SPTBN2: variants seen among roughly 807,000 people sequenced by gnomAD.
SPTBN2 encodes spectrin beta, non-erythrocytic 2, also known as spectrin beta chain, non-erythrocytic 2.
Under a neutral mutation model 284.2 loss-of-function variants are expected in SPTBN2, and 107 were observed. That is an observed-to-expected ratio of 0.38 (90% CI 0.32 to 0.44). SPTBN2 has a LOEUF of 0.44. SPTBN2 is among the 20% of genes least tolerant of loss of function. SPTBN2 has a pLI of 1.00. For missense variants in SPTBN2, 2,569 were observed against 3,287.1 expected (o/e 0.78, Z 5.34); for synonymous variants, 1,289 against 1,354.8 (o/e 0.95, Z 1.07).
rs1940586850 is a variant in SPTBN2, at chr11:66,691,997, T to C, written c.5191-339A>G. ...GTGGATCATACTCCGTTTTGTTGAA[T>C]TCTGTTGAAAAGTGTGAGTGATAAT... On this transcript the variant is annotated intron_variant, in intron 26 of 37. Transcript: ENST00000533211. The surrounding 1 kb of genome is among the most constrained non-coding windows in gnomAD (Gnocchi z 8.0). Among the ~76,000 whole-genome samples the C allele has an allele frequency of 6.6e-6, 1 of 152,182 alleles. No homozygotes were observed. The highest frequency in any genetic ancestry group is 1.5e-5 in the Non-Finnish European group (1 of 68,022).
intron 3 of SPTBN2, among the ~76,000 whole-genome samples, chr11:66,719,491 G>A (rs752710417): frequency 5.9e-5 from 9 of 152,258 alleles, no homozygotes; most frequent in South Asian, 4.1e-4. Flanking sequence ...CCCATGCAGA[G>A]CTGCCTCTTC....
chr11:66,683,684 A>G lies in SPTBN2; in HGVS notation c.*2187T>C, dbSNP rs1219557492. ...CTGCCCCTACTGCAGGACTGCTTCA[A>G]TTGGCTGTCCTATTTACACTTACGT... On this transcript the variant is annotated 3_prime_UTR_variant, in exon 38 of 38. Transcript: ENST00000533211. 6.6e-6 allele frequency among the ~76,000 whole-genome samples: 1 copy of G among 152,216 alleles called. No individual in the cohort carries two copies. Among genetic ancestry groups the G allele is most frequent in the African/African-American group, 2.4e-5 (1 of 41,456 alleles).
intron 20 of SPTBN2, among the ~76,000 whole-genome samples, chr11:66,697,111 CGTGGCT>C (rs1222163896): frequency 6.6e-6 from 1 of 152,128 alleles, no homozygotes; most frequent in African/African-American, 2.4e-5. Flanking sequence ...ATCCTTGTGC[CGTGGCT>C]GTGAGAGTGC....
chr11:66,691,699 A>T lies in SPTBN2; in HGVS notation c.5191-41T>A, dbSNP rs1940562494. On this transcript the variant is annotated intron_variant, in intron 26 of 37. Coordinates refer to ENST00000533211, the MANE Select transcript of SPTBN2 (RefSeq NM_006946.4). This position sits in a 1 kb window ranked among gnomAD's most constrained non-coding sequence, Gnocchi z 8.0. ...GATGGACAGACCATGCCGTGATGTTAGGGGATGTGGTCCCTGCCTGATGGA... is the reference window on the plus strand; with the variant it reads ...GATGGACAGACCATGCCGTGATGTTTGGGGATGTGGTCCCTGCCTGATGGA... 2 of 1,611,894 alleles carry T rather than the reference A, an allele frequency of 1.2e-6. No homozygotes were observed. The highest frequency in any genetic ancestry group is 1.1e-5 in the South Asian group (1 of 91,084).
chr11:66,724,964 TG>T lies in SPTBN2; in HGVS notation c.-113-3525del, dbSNP rs1369078920. On this transcript the variant is annotated intron_variant, in intron 1 of 37. Transcript: ENST00000533211. ...TGTTAAAGTTACAAAGGGGCCCAAC[TG>T]GGAGCCAGACCCTCCAGGGAAGTCC... Among the ~76,000 whole-genome samples the T allele has an allele frequency of 1.3e-4, 20 of 152,292 alleles. No individual in the cohort carries two copies. In the South Asian group the frequency reaches 2.7e-3, roughly 21 times the overall value.
chr11:66,705,854 A>G lies in SPTBN2; in HGVS notation c.1654-17T>C, dbSNP rs2135454133. ...CAGCCGGCCCTGCCAGGCACACATG[A>G]AGTGCACATGCCCGCCTGAGCACAG... On this transcript the variant is annotated splice_polypyrimidine_tract_variant and intron_variant, in intron 13 of 37. Transcript: ENST00000533211. The G allele has an allele frequency of 6.2e-7, 1 of 1,611,680 alleles. No homozygotes were observed. The highest frequency in any genetic ancestry group is 8.5e-7 in the Non-Finnish European group (1 of 1,179,670).
intron 15 of SPTBN2, among the ~76,000 whole-genome samples, chr11:66,702,210 A>C (rs1941284345): frequency 6.6e-6 from 1 of 152,258 alleles, no homozygotes; most frequent in Non-Finnish European, 1.5e-5. Flanking sequence ...TCTGTCACCC[A>C]GGCTGGAGTG....
rs139101848 is a variant in SPTBN2, at chr11:66,699,026, C to T, written c.3833G>A (p.Arg1278Gln). Residue 1278 changes from arginine to glutamine, a missense_variant, in exon 19 of 38, where the codon CGG becomes CAG. By Grantham distance (43) the Arg-to-Gln change is conservative. Transcript: ENST00000533211. ...QQFLGRLRDN[R>Q]EQQHFLQDCH... Reference sequence around the variant, plus strand: ...ATCTTGCAGGAAATGCTGCTGCTCCCGGTTGTCCCGAAGACGGCCCAGAAA... The same window carrying T: ...ATCTTGCAGGAAATGCTGCTGCTCCTGGTTGTCCCGAAGACGGCCCAGAAA... The T allele has an allele frequency of 1.4e-5, 23 of 1,614,106 alleles. No homozygotes were observed. Among genetic ancestry groups the T allele is most frequent in the South Asian group, 8.8e-5 (8 of 91,086 alleles).
Position 66,713,577 on chromosome 11 carries a change from G to A in SPTBN2, c.772+54C>T, listed in dbSNP as rs1056196287. ...CCTCCGCAGCCCCTGGCAACCACTG[G>A]TCCACCTCCTGTCTCTACCCTACCA... On this transcript the variant is annotated intron_variant, in intron 8 of 37. Transcript: ENST00000533211. The A allele has an allele frequency of 1.7e-5, 24 of 1,450,510 alleles. No homozygotes were observed. In the Middle Eastern group the frequency reaches 1.0e-3, roughly 61 times the overall value. The allele number at this position is 1,450,510 out of a possible 1,614,324, so 89.9% of individuals were successfully genotyped here.
chr11:66,698,337 G>C (rs1211095943), intron 20 of SPTBN2, among the ~76,000 whole-genome samples: 1 of 152,214 alleles, frequency 6.6e-6, no homozygotes, highest in Non-Finnish European at 1.5e-5. Context: ...TTCCAGACAA[G>C]GTTTGCAGAG....
upstream of SPTBN2, among the ~76,000 whole-genome samples, chr11:66,731,275 G>C (rs1160263841): frequency 6.6e-6 from 1 of 152,154 alleles, no homozygotes; most frequent in Non-Finnish European, 1.5e-5. Flanking sequence ...TCTGTGACTG[G>C]GTTGCTTTGG....
Position 66,683,279 on chromosome 11 carries a change from G to A in SPTBN2, c.*2592C>T, listed in dbSNP as rs1272599362. Among the ~76,000 whole-genome samples, 1 of 151,134 alleles carries A rather than the reference G, an allele frequency of 6.6e-6. No individual in the cohort carries two copies. The highest frequency in any genetic ancestry group is 1.5e-5 in the Non-Finnish European group (1 of 67,832). Reference sequence around the variant, plus strand: ...GACGGGGTTTCACCGTTTTAGCCGGGATGGTCTCGATCTCCTGACCTCGTG... The same window carrying A: ...GACGGGGTTTCACCGTTTTAGCCGGAATGGTCTCGATCTCCTGACCTCGTG... On this transcript the variant is annotated 3_prime_UTR_variant, in exon 38 of 38. Transcript: ENST00000533211.
intron 16 of SPTBN2, 22 bp downstream of exon 16, chr11:66,701,562 G>T (rs116441572): frequency 1.9e-6 from 3 of 1,613,738 alleles, no homozygotes; most frequent in East Asian, 2.2e-5. Flanking sequence ...TCAGTTTCCT[G>T]GTCCTGCCCT....
chr11:66,688,130 C>A (rs201867299), intron 32 of SPTBN2, 39 bp downstream of exon 32: 20 of 1,613,406 alleles, frequency 1.2e-5, no homozygotes, highest in Non-Finnish European at 1.5e-5. Context: ...GTGGCCTGGG[C>A]TCAGCCGCCT....
intron 7 of SPTBN2, 116 bp downstream of exon 7, chr11:66,713,975 G>T: frequency 8.9e-7 from 1 of 1,129,664 alleles, no homozygotes; most frequent in Non-Finnish European, 1.3e-6. Flanking sequence ...TGCTCCGAGT[G>T]CTATTCCTTC....
At chr11:66,739,312 C>T (rs1253623810) in intron 1 of SPTBN2, among the ~76,000 whole-genome samples, 1 of 152,228 alleles carries the variant, frequency 6.6e-6, no homozygotes, top group Non-Finnish European at 1.5e-5. Context: ...AAAGACTGTA[C>T]ACCTGTATCC....
upstream of SPTBN2, among the ~76,000 whole-genome samples, chr11:66,732,048 A>G (rs1290120254): frequency 6.6e-6 from 1 of 152,252 alleles, no homozygotes; most frequent in Non-Finnish European, 1.5e-5. Context: ...TATGAGAAGC[A>G]TTAACCAGAC....
At chr11:66,726,938 C>G (rs1942639194) in intron 1 of SPTBN2, among the ~76,000 whole-genome samples, 1 of 152,200 alleles carries the variant, frequency 6.6e-6, no homozygotes, top group Non-Finnish European at 1.5e-5. Context: ...AAGGAAGGAA[C>G]AGCAAAACCC....
intron 27 of SPTBN2, among the ~76,000 whole-genome samples, chr11:66,690,811 G>T (rs547077300): frequency 5.9e-5 from 9 of 152,268 alleles, no homozygotes; most frequent in African/African-American, 2.2e-4. Context: ...GATGTCCCCT[G>T]CCAGAGATGT....
Sources: allele counts gnomAD v4.1 joint callset (sites outside exome capture counted in the v4.1 genomes callset), GRCh38; gene constraint gnomAD v4.1.1; non-coding constraint Gnocchi (gnomAD v3.1); transcripts MANE v1.5; gene names NCBI Gene and HGNC (gene_info 2026-07-23, HGNC 2026-07-21).